RFX3: variants seen among roughly 807,000 people sequenced by gnomAD.
The protein encoded by RFX3 is transcription factor RFX3.
A neutral mutation model predicts 98.6 loss-of-function variants in RFX3; 14 were observed. That is an observed-to-expected ratio of 0.14 (90% CI 0.09 to 0.22). The LOEUF (loss-of-function observed/expected upper bound fraction) is 0.22, where lower values mean the gene tolerates loss of function less well. RFX3 is among the 10% of genes least tolerant of loss of function. The probability of loss-of-function intolerance (pLI) is 1.00; values close to 1 mark genes in which losing one functional copy is unlikely to be tolerated. For synonymous variants in RFX3, 383 were observed against 328.4 expected (o/e 1.17, Z -1.80); for missense variants, 639 against 926.9 (o/e 0.69, Z 4.03).
chr9:3,342,403 G>C (rs931365401), intron 3 of RFX3, among the ~76,000 whole-genome samples: 2 of 152,150 alleles, frequency 1.3e-5, no homozygotes, highest in African/African-American at 4.8e-5. Context: ...TACTGGAGTT[G>C]AGAAATCTAT....
chr9:3,259,713 C>T (rs1449331796), intron 13 of RFX3, among the ~76,000 whole-genome samples: 1 of 151,568 alleles, frequency 6.6e-6, no homozygotes, highest in Non-Finnish European at 1.5e-5. Flanking sequence ...TTAAATGAAA[C>T]AGGAAACCAG....
At chr9:3,511,851 G>A (rs1056233414) in intron 1 of RFX3, among the ~76,000 whole-genome samples, 7 of 152,074 alleles carry the variant, frequency 4.6e-5, no homozygotes, top group East Asian at 3.9e-4. Flanking sequence ...AGATATGACC[G>A]GAAACCAAGA....
At chr9:3,325,807 T>C (rs1831846235) in intron 4 of RFX3, among the ~76,000 whole-genome samples, 1 of 152,056 alleles carries the variant, frequency 6.6e-6, no homozygotes, top group Non-Finnish European at 1.5e-5. Context: ...GTTCCAAAAC[T>C]CTAAAATTCT....
intron 1 of RFX3, among the ~76,000 whole-genome samples, chr9:3,511,252 GTGT>G (rs141487380): frequency 0.012 from 1,752 of 152,040 alleles, 27 homozygotes; most frequent in South Asian, 0.031. Context: ...TATAAATTTT[GTGT>G]TGTTTATTAA....
At chr9:3,234,499 G>A (rs1038743475) in intron 15 of RFX3, among the ~76,000 whole-genome samples, 18 of 152,114 alleles carry the variant, frequency 1.2e-4, no homozygotes, top group African/African-American at 4.3e-4. Flanking sequence ...AAGTTAGCTG[G>A]GTGTGGTGGC....
At chr9:3,422,533 T>C (rs1265879066) in intron 1 of RFX3, among the ~76,000 whole-genome samples, 1 of 152,220 alleles carries the variant, frequency 6.6e-6, no homozygotes, top group Non-Finnish European at 1.5e-5. Context: ...AGCAACTCTT[T>C]TCTACCTTTG....
intron 1 of RFX3, among the ~76,000 whole-genome samples, chr9:3,417,920 T>A (rs1375938115): frequency 6.6e-6 from 1 of 152,218 alleles, no homozygotes; most frequent in Non-Finnish European, 1.5e-5. Context: ...TGGCCAGTAG[T>A]GACACTATAT....
At chr9:3,283,336 A>AT (rs1826157678) in intron 7 of RFX3, among the ~76,000 whole-genome samples, 1 of 151,736 alleles carries the variant, frequency 6.6e-6, no homozygotes, top group South Asian at 2.1e-4. Context: ...TATTAAAAAA[A>AT]TTTTCAGATA....
At chr9:3,344,734 A>G in intron 3 of RFX3, 3 of 605,068 alleles carry the variant, frequency 5.0e-6, no homozygotes, top group Middle Eastern at 2.6e-4. Context: ...CAACTGGGTG[A>G]CCTCTAGCAG....
intron 2 of RFX3, among the ~76,000 whole-genome samples, chr9:3,387,850 C>A (rs1024095788): frequency 6.6e-6 from 1 of 152,042 alleles, no homozygotes; most frequent in African/African-American, 2.4e-5. Context: ...TATTCATGTC[C>A]ATCAATGCTA....
At chr9:3,478,655 G>T (rs1346931653) in intron 1 of RFX3, among the ~76,000 whole-genome samples, 1 of 152,146 alleles carries the variant, frequency 6.6e-6, no homozygotes, top group Admixed American at 6.6e-5. Flanking sequence ...CTCAAGATCA[G>T]TCAGAGGTGA....
At chr9:3,502,670 A>C (rs1816156918) in intron 1 of RFX3, among the ~76,000 whole-genome samples, 1 of 152,088 alleles carries the variant, frequency 6.6e-6, no homozygotes, top group Non-Finnish European at 1.5e-5. Flanking sequence ...TAAATTTAAC[A>C]CTTGTTTAGA....
intron 2 of RFX3, among the ~76,000 whole-genome samples, chr9:3,392,635 C>G (rs1180989996): frequency 6.6e-6 from 1 of 151,944 alleles, no homozygotes; most frequent in African/African-American, 2.4e-5. Context: ...CATGAAGTTT[C>G]TAGTACAGTA....
At chr9:3,369,290 CCTT>C (rs1346555950) in intron 2 of RFX3, among the ~76,000 whole-genome samples, 9 of 152,186 alleles carry the variant, frequency 5.9e-5, no homozygotes, top group African/African-American at 2.2e-4. Flanking sequence ...CATAGACTGA[CCTT>C]CTTCCTATGT....
intron 1 of RFX3, among the ~76,000 whole-genome samples, chr9:3,424,956 A>T (rs1843864898): frequency 6.6e-6 from 1 of 152,170 alleles, no homozygotes; most frequent in South Asian, 2.1e-4. Context: ...TTGGCCAGGC[A>T]CAGTGGTTCA....
chr9:3,462,567 GCACA>G (rs1243518462), intron 1 of RFX3, among the ~76,000 whole-genome samples: 3 of 151,952 alleles, frequency 2.0e-5, no homozygotes, highest in Non-Finnish European at 2.9e-5. Flanking sequence ...TTAATGAAAG[GCACA>G]CAAATTAGAA....
chr9:3,222,535 A>C lies in RFX3; in HGVS notation c.*2507T>G, dbSNP rs1056628088. The C allele has an allele frequency of 6.6e-6, 1 of 152,146 alleles. No homozygotes were observed. Among genetic ancestry groups the C allele is most frequent in the African/African-American group, 2.4e-5 (1 of 41,392 alleles). The allele number at this position is 152,146 out of a possible 1,614,324, so 9.4% of individuals were successfully genotyped here. On this transcript the variant is annotated 3_prime_UTR_variant, in exon 17 of 17. Transcript: ENST00000617270. ...ACATTTAAAGTCATTCAATAAACAA[A>C]ATGAAACCAGTAAATACATTTGGTC... is the stretch of plus-strand genomic sequence containing the variant.
intron 4 of RFX3, among the ~76,000 whole-genome samples, chr9:3,319,253 G>C (rs1465795099): frequency 6.6e-6 from 1 of 152,170 alleles, no homozygotes; most frequent in Non-Finnish European, 1.5e-5. Context: ...TGCCCACACT[G>C]ACTGAATCGA....
chr9:3,312,999 C>G (rs1164795473), intron 4 of RFX3, among the ~76,000 whole-genome samples: 3 of 152,206 alleles, frequency 2.0e-5, no homozygotes. Flanking sequence ...CCCTGTCTGA[C>G]AGCTTTGAAG....
Sources: allele counts gnomAD v4.1 joint callset (sites outside exome capture counted in the v4.1 genomes callset), GRCh38; gene constraint gnomAD v4.1.1; transcripts MANE v1.5; gene names NCBI Gene and HGNC (gene_info 2026-07-23, HGNC 2026-07-21).